MAST4: variants seen among roughly 807,000 people sequenced by gnomAD.
MAST4 encodes microtubule-associated serine/threonine-protein kinase 4.
A neutral mutation model predicts 162.7 loss-of-function variants in MAST4; 89 were observed. That is an observed-to-expected ratio of 0.55 (90% CI 0.46 to 0.65). The LOEUF is 0.65. MAST4 is among the 30% of genes least tolerant of loss of function. The pLI, the probability that MAST4 is intolerant of heterozygous loss-of-function variation, is 0.00. For synonymous variants in MAST4, 1,479 were observed against 1,361.1 expected, an observed-to-expected ratio of 1.09 and a Z score of -1.91; for missense variants, 3,153 against 3,374.0, an observed-to-expected ratio of 0.93 and a Z score of 1.62.
intron 10 of MAST4, among the ~76,000 whole-genome samples, chr5:67,106,167 ACTC>A (rs1399408751): frequency 6.7e-5 from 10 of 150,182 alleles, no homozygotes; most frequent in African/African-American, 9.8e-5. Flanking sequence ...TCTTTAGTCT[ACTC>A]CTCCTCCCTC....
intron 4 of MAST4, among the ~76,000 whole-genome samples, chr5:67,022,473 A>G (rs910573811): frequency 2.6e-5 from 4 of 152,100 alleles, no homozygotes; most frequent in East Asian, 1.9e-4. Context: ...TGAACATTGC[A>G]TATACTTTAG....
chr5:66,987,287 C>T (rs1423367959), intron 4 of MAST4, among the ~76,000 whole-genome samples: 9 of 152,020 alleles, frequency 5.9e-5, no homozygotes, highest in Non-Finnish European at 1.0e-4. Flanking sequence ...TTGGTGTAAC[C>T]CTCCTTCATC....
intron 1 of MAST4, among the ~76,000 whole-genome samples, chr5:66,745,267 C>T (rs542957257): frequency 1.3e-4 from 20 of 152,194 alleles, no homozygotes; most frequent in African/African-American, 3.1e-4. Flanking sequence ...ATGAGCTGCA[C>T]GATGCCTTCA....
In MAST4 at chr5:66,849,622, G is replaced by A. The variant is rs564340134; in HGVS notation, c.643-50329G>A. Among the ~76,000 whole-genome samples, 4 of 152,256 alleles carry A rather than the reference G, an allele frequency of 2.6e-5. No homozygotes were observed. The South Asian group carries it at 6.2e-4, about 24-fold the overall frequency. On this transcript the variant is annotated intron_variant, in intron 3 of 28. Transcript: ENST00000403625. Reference sequence around the variant, plus strand: ...TTCTGCAGACCACCATCACCTAGCCGAGCTCTGGTGAGAATCTGTGGAACT... The same window carrying A: ...TTCTGCAGACCACCATCACCTAGCCAAGCTCTGGTGAGAATCTGTGGAACT...
intron 3 of MAST4, among the ~76,000 whole-genome samples, chr5:66,864,620 G>A (rs1389537752): frequency 6.6e-6 from 1 of 151,288 alleles, no homozygotes; most frequent in African/African-American, 2.4e-5. Context: ...GGATGACTCA[G>A]ATGGTGTTAT....
chr5:67,140,263 G>A lies in MAST4; in HGVS notation c.2495-1852G>A, dbSNP rs545129255. ...TACCCAACACCCGCACCGTGCTGAC[G>A]ACCTCCATGTTGGATAGGGAAACAG... On this transcript the variant is annotated intron_variant, in intron 19 of 28. Transcript: ENST00000403625. 1.2e-3 allele frequency among the ~76,000 whole-genome samples: 183 copies of A among 152,336 alleles called. 1 individual carries two copies. Among genetic ancestry groups the A allele is most frequent in the African/African-American group, 4.1e-3 (171 of 41,582 alleles).
intron 1 of MAST4, among the ~76,000 whole-genome samples, chr5:66,755,396 G>A (rs1300728301): frequency 2.6e-5 from 4 of 152,184 alleles, no homozygotes; most frequent in Admixed American, 1.3e-4. Context: ...CCATGTGCTT[G>A]GGAATAGAAG....
chr5:66,977,602 A>C lies in MAST4; in HGVS notation c.675-76802A>C, dbSNP rs7731481. Among the ~76,000 whole-genome samples the C allele has an allele frequency of 4.8e-3, 726 of 152,242 alleles. 6 individuals are homozygous for C. The highest frequency in any genetic ancestry group is 0.016 in the African/African-American group (682 of 41,550). On this transcript the variant is annotated intron_variant, in intron 4 of 28. Transcript: ENST00000403625. ...TTATTGTCAGTGTTTAGACCCATAAATCCCTCATAATAGCTTCTTGGGCAT... is the reference window on the plus strand; with the variant it reads ...TTATTGTCAGTGTTTAGACCCATAACTCCCTCATAATAGCTTCTTGGGCAT...
intron 1 of MAST4, among the ~76,000 whole-genome samples, chr5:66,667,410 CCTT>C (rs1469285618): frequency 2.6e-5 from 4 of 152,056 alleles, no homozygotes; most frequent in African/African-American, 7.3e-5. Flanking sequence ...CTGGGAGAAA[CCTT>C]CTTTGTCTTG....
chr5:67,087,296 C>T (rs960815999), intron 5 of MAST4, among the ~76,000 whole-genome samples: 1 of 152,144 alleles, frequency 6.6e-6, no homozygotes, highest in Non-Finnish European at 1.5e-5. Context: ...GTTTGCCCAC[C>T]AGAATATCCT....
At chr5:66,968,731 G>T (rs1441368502) in intron 4 of MAST4, among the ~76,000 whole-genome samples, 1 of 152,064 alleles carries the variant, frequency 6.6e-6, no homozygotes, top group Non-Finnish European at 1.5e-5. Flanking sequence ...TTGAGAAAAA[G>T]GACTTATTTT....
chr5:66,763,535 A>G (rs1425641279), intron 2 of MAST4, among the ~76,000 whole-genome samples: 1 of 152,222 alleles, frequency 6.6e-6, no homozygotes, highest in Admixed American at 6.5e-5. Flanking sequence ...CTGGCAAATG[A>G]ATACTGCTTA....
intron 3 of MAST4, among the ~76,000 whole-genome samples, chr5:66,879,338 A>C (rs1761527894): frequency 1.4e-5 from 1 of 71,944 alleles, no homozygotes; most frequent in African/African-American, 5.2e-5. Flanking sequence ...TATGTGTTTA[A>C]AATATATACA....
At chr5:66,717,661 G>A (rs1750926414) in intron 1 of MAST4, among the ~76,000 whole-genome samples, 1 of 152,198 alleles carries the variant, frequency 6.6e-6, no homozygotes, top group Admixed American at 6.5e-5. Context: ...GAGGTTGCTA[G>A]GCATTTAATA....
At chr5:66,998,078 A>G (rs1028885701) in intron 4 of MAST4, among the ~76,000 whole-genome samples, 5 of 152,246 alleles carry the variant, frequency 3.3e-5, no homozygotes, top group African/African-American at 7.2e-5. Flanking sequence ...TGACCTGGAA[A>G]AAATATTCAA....
chr5:66,944,769 C>T (rs1268916489), intron 4 of MAST4, among the ~76,000 whole-genome samples: 2 of 152,146 alleles, frequency 1.3e-5, no homozygotes, highest in Admixed American at 1.3e-4. Flanking sequence ...CAGCTGGGTC[C>T]TCTTCCAAGC....
At chr5:66,827,600 A>G (rs1757333366) in intron 3 of MAST4, among the ~76,000 whole-genome samples, 2 of 152,322 alleles carry the variant, frequency 1.3e-5, no homozygotes, top group South Asian at 4.1e-4. Context: ...TGGGTAGGGA[A>G]CCACTAGACA....
intron 3 of MAST4, among the ~76,000 whole-genome samples, chr5:66,873,754 C>T (rs1373103857): frequency 3.3e-5 from 5 of 152,160 alleles, no homozygotes; most frequent in African/African-American, 9.7e-5. Flanking sequence ...TCCACTAAGG[C>T]TCCTTAGAAC....
intron 14 of MAST4, among the ~76,000 whole-genome samples, chr5:67,127,422 T>C (rs1414969532): frequency 1.3e-5 from 2 of 152,168 alleles, no homozygotes; most frequent in Non-Finnish European, 2.9e-5. Context: ...ATACCTAGTT[T>C]ATTGAGAGTT....
Sources: allele counts gnomAD v4.1 joint callset (sites outside exome capture counted in the v4.1 genomes callset), GRCh38; gene constraint gnomAD v4.1.1; transcripts MANE v1.5; gene names NCBI Gene and HGNC (gene_info 2026-07-23, HGNC 2026-07-21).